INPP4B: variants seen among roughly 807,000 people sequenced by gnomAD.
INPP4B encodes the protein inositol polyphosphate 4-phosphatase type II.
Under a neutral mutation model 122.5 loss-of-function variants are expected in INPP4B, and 55 were observed. The observed-to-expected ratio is 0.45, with a 90% CI of 0.36 to 0.56. The LOEUF is 0.56. Ranked by LOEUF, INPP4B falls within the 20% of genes least tolerant of loss-of-function variation. The pLI, the probability that INPP4B is intolerant of heterozygous loss-of-function variation, is 0.00. For synonymous variants in INPP4B, 403 were observed against 388.7 expected, an observed-to-expected ratio of 1.04 and a Z score of -0.43; for missense variants, 1,000 against 1,097.7, an observed-to-expected ratio of 0.91 and a Z score of 1.26.
At chr4:142,592,561 G>A (rs1462081042) in intron 2 of INPP4B, among the ~76,000 whole-genome samples, 1 of 152,160 alleles carries the variant, frequency 6.6e-6, no homozygotes, top group Non-Finnish European at 1.5e-5. Context: ...GTAAATGAGT[G>A]TATATTAAGT....
chr4:142,459,898 G>T (rs1347942678), intron 3 of INPP4B, among the ~76,000 whole-genome samples: 1 of 152,142 alleles, frequency 6.6e-6, no homozygotes, highest in African/African-American at 2.4e-5. Flanking sequence ...GCAGAATCTA[G>T]AACATCTACA....
At chr4:142,230,027 A>G (rs150422376) in intron 12 of INPP4B, among the ~76,000 whole-genome samples, 118 of 152,346 alleles carry the variant, frequency 7.7e-4, no homozygotes, top group African/African-American at 2.6e-3. Flanking sequence ...GCAAGTCTAA[A>G]TAGCCTAGAC....
intron 2 of INPP4B, among the ~76,000 whole-genome samples, chr4:142,465,080 AT>A (rs1181333251): frequency 1.3e-5 from 2 of 152,176 alleles, no homozygotes; most frequent in African/African-American, 2.4e-5. Flanking sequence ...CCCTTGAATA[AT>A]TTTTTTAAAT....
At chr4:142,067,158 C>A (rs1041144920) in intron 25 of INPP4B, among the ~76,000 whole-genome samples, 3 of 152,146 alleles carry the variant, frequency 2.0e-5, no homozygotes, top group African/African-American at 7.2e-5. Context: ...AACATTTGCC[C>A]TTCTGCAATA....
intron 9 of INPP4B, among the ~76,000 whole-genome samples, chr4:142,276,103 C>T (rs748641448): frequency 6.6e-6 from 1 of 151,788 alleles, no homozygotes; most frequent in African/African-American, 2.4e-5. Flanking sequence ...CCTACCAATT[C>T]TTCCTCCATA....
chr4:142,477,794 C>G (rs547852963), intron 2 of INPP4B, among the ~76,000 whole-genome samples: 1 of 152,166 alleles, frequency 6.6e-6, no homozygotes, highest in Non-Finnish European at 1.5e-5. Flanking sequence ...CAAATCCTAC[C>G]AAACATAAAA....
chr4:142,246,069 G>A (rs201481816), intron 11 of INPP4B, among the ~76,000 whole-genome samples: 1,824 of 120,750 alleles, frequency 0.015, 75 homozygotes, highest in African/African-American at 0.064. Flanking sequence ...ATGTGTGTGT[G>A]TATACACACA....
chr4:142,816,989 T>C (rs1780191462), intron 1 of INPP4B, among the ~76,000 whole-genome samples: 1 of 152,160 alleles, frequency 6.6e-6, no homozygotes, highest in African/African-American at 2.4e-5. Context: ...CTTTGCAGAT[T>C]CATTGAGTAA....
At chr4:142,258,600 A>G (rs1463806012) in intron 11 of INPP4B, among the ~76,000 whole-genome samples, 2 of 152,246 alleles carry the variant, frequency 1.3e-5, no homozygotes, top group African/African-American at 4.8e-5. Context: ...AACACATGAA[A>G]AAATGCTCAC....
Position 142,086,162 on chromosome 4 carries a change from A to C in INPP4B, c.2469T>G (p.Ile823Met). 1 of 1,592,572 alleles carries C rather than the reference A, an allele frequency of 6.3e-7. No individual in the cohort carries two copies. Among genetic ancestry groups the C allele is most frequent in the South Asian group, 1.1e-5 (1 of 90,554 alleles). ...IQSKKRKNVE[I>M]MWLAATICRK... ...TGCTTACCGTTGCAGCCAGCCACAT[A>C]ATTTCTACATTCTTTCTTTTTTTGG... Residue 823 changes from isoleucine (I) to methionine (M), a missense_variant, in exon 24 of 26, where the codon ATT becomes ATG. Physicochemically the swap from Ile to Met is conservative, Grantham distance 10. Transcript: ENST00000262992.
intron 9 of INPP4B, among the ~76,000 whole-genome samples, chr4:142,277,258 C>A (rs1490985001): frequency 6.7e-6 from 1 of 149,404 alleles, no homozygotes; most frequent in Non-Finnish European, 1.5e-5. Flanking sequence ...ATATACATTA[C>A]AAAGATTTTT....
At chr4:142,271,472 T>TGGCCA (rs1745801311) in intron 9 of INPP4B, among the ~76,000 whole-genome samples, 2 of 152,214 alleles carry the variant, frequency 1.3e-5, no homozygotes, top group South Asian at 4.1e-4. Flanking sequence ...ACAGAAACTG[T>TGGCCA]GGCCAAGTAA....
chr4:142,348,706 T>A (rs768081789), intron 7 of INPP4B, among the ~76,000 whole-genome samples: 13 of 152,048 alleles, frequency 8.5e-5, no homozygotes, highest in Admixed American at 6.6e-4. Context: ...CTCAGAGCAA[T>A]GATTGTCTAA....
At chr4:142,138,402 G>T (rs1805841413) in intron 18 of INPP4B, among the ~76,000 whole-genome samples, 2 of 101,300 alleles carry the variant, frequency 2.0e-5, no homozygotes, top group African/African-American at 7.7e-5. Flanking sequence ...GGGGGGAGGG[G>T]GGAGGGATAG....
At chr4:142,798,750 G>A (rs1399774840) in intron 1 of INPP4B, among the ~76,000 whole-genome samples, 5 of 151,812 alleles carry the variant, frequency 3.3e-5, no homozygotes, top group African/African-American at 1.2e-4. Flanking sequence ...GAGAAGTAGA[G>A]ATAAGCCGAA....
chr4:142,236,457 GT>G (rs1561567040), intron 12 of INPP4B, among the ~76,000 whole-genome samples: 1 of 152,112 alleles, frequency 6.6e-6, no homozygotes, highest in Non-Finnish European at 1.5e-5. Flanking sequence ...TCCTCTTGCA[GT>G]TGGCTCTTAT....
chr4:142,380,128 G>C (rs1793545625), intron 7 of INPP4B, among the ~76,000 whole-genome samples: 1 of 152,220 alleles, frequency 6.6e-6, no homozygotes, highest in Admixed American at 6.5e-5. Flanking sequence ...GCAGGAGAAA[G>C]ATAAGTGCTC....
intron 2 of INPP4B, among the ~76,000 whole-genome samples, chr4:142,552,596 A>G (rs560174581): frequency 1.6e-4 from 24 of 152,210 alleles, no homozygotes; most frequent in Non-Finnish European, 3.1e-4. Flanking sequence ...ATTCTTGGAA[A>G]GTGCAATACC....
intron 2 of INPP4B, among the ~76,000 whole-genome samples, chr4:142,716,626 T>C (rs1279459393): frequency 2.6e-5 from 4 of 152,216 alleles, no homozygotes; most frequent in Non-Finnish European, 5.9e-5. Context: ...TGCCCAATCC[T>C]TGCAGAATCA....
Sources: gnomAD v4.1 joint callset for allele counts (sites outside exome capture counted in the v4.1 genomes callset) on GRCh38, gnomAD v4.1.1 for gene constraint, MANE v1.5 for transcripts, NCBI Gene and HGNC (gene_info 2026-07-23, HGNC 2026-07-21) for gene names.